ZNF90: variants seen among roughly 807,000 people sequenced by gnomAD.
ZNF90 encodes zinc finger protein HTF9.
In ZNF90, 11 loss-of-function variants were observed where a neutral mutation model predicts 12.0. The observed-to-expected ratio is 0.92, with a 90% CI of 0.58 to 1.52. ZNF90 has a LOEUF of 1.52. ZNF90 is among the 40% of genes most tolerant of loss of function. The pLI, the probability that ZNF90 is intolerant of heterozygous loss-of-function variation, is 0.00. For missense variants in ZNF90, 765 were observed against 711.5 expected, an observed-to-expected ratio of 1.08 and a Z score of -0.86; for synonymous variants, 232 against 240.1, an observed-to-expected ratio of 0.97 and a Z score of 0.31.
chr19:20,087,466 T>C (rs1258990085), intron 1 of ZNF90: 1 of 152,178 alleles, frequency 6.6e-6, no homozygotes, highest in Non-Finnish European at 1.5e-5. Context: ...CTTGTCACCA[T>C]TATAAGTAGA....
intron 1 of ZNF90, among the ~76,000 whole-genome samples, 184 bp from the exon 2 acceptor site, chr19:20,104,055 C>T (rs928497844): frequency 1.3e-5 from 2 of 152,096 alleles, no homozygotes; most frequent in South Asian, 4.1e-4. Flanking sequence ...CTATTCTGCT[C>T]TTTTTTCTCA....
chr19:20,097,422 G>A (rs1418336194), intron 1 of ZNF90, among the ~76,000 whole-genome samples: 1 of 152,174 alleles, frequency 6.6e-6, no homozygotes, highest in Non-Finnish European at 1.5e-5. Flanking sequence ...GTCATCTACA[G>A]TCACTTCTAG....
In ZNF90 at chr19:20,119,609, C is replaced by A; in HGVS notation, c.*249C>A. On this transcript the variant is annotated 3_prime_UTR_variant, in exon 4 of 4. Transcript: ENST00000418063. ...GTGAAAAATGCAGCAAAGCCTATAA[C>A]AAGTTCTCAATTCTTTTTTTTTTTT... 8.0e-6 allele frequency: 3 copies of A among 373,284 alleles called. No homozygotes were observed. Among genetic ancestry groups the A allele is most frequent in the Non-Finnish European group, 9.5e-6 (2 of 210,654 alleles). 23.1% of individuals were successfully genotyped at this position (373,284 alleles called of 1,614,324 possible). A position where few individuals can be genotyped will look rare whatever the true frequency, so the allele number is the denominator to read the frequency against.
intron 1 of ZNF90, among the ~76,000 whole-genome samples, chr19:20,091,217 G>A (rs547343296): frequency 6.6e-6 from 1 of 152,112 alleles, no homozygotes; most frequent in Admixed American, 6.5e-5. Context: ...CTGGGCAGGG[G>A]CAAATCCCCG....
chr19:20,084,651 T>G (rs2088845234), intron 1 of ZNF90, among the ~76,000 whole-genome samples: 1 of 152,216 alleles, frequency 6.6e-6, no homozygotes, highest in South Asian at 2.1e-4. Context: ...TGCCAGCATC[T>G]GTTATTTTTT....
At chr19:20,093,560 GA>G (rs1555702959) in intron 1 of ZNF90, among the ~76,000 whole-genome samples, 1 of 152,134 alleles carries the variant, frequency 6.6e-6, no homozygotes, top group African/African-American at 2.4e-5. Context: ...AACAGTCAGG[GA>G]AGCAGATAAT....
In ZNF90 at chr19:20,120,549, C is replaced by G. The variant is rs2089186468; in HGVS notation, c.*1189C>G. 6.6e-6 allele frequency among the ~76,000 whole-genome samples: 1 copy of G among 151,768 alleles called. No homozygotes were observed. Among genetic ancestry groups the G allele is most frequent in the South Asian group, 2.1e-4 (1 of 4,792 alleles). On this transcript the variant is annotated 3_prime_UTR_variant, in exon 4 of 4. Transcript: ENST00000418063. The stretch of plus-strand genomic sequence containing the variant: ...TTCAAAAACTACAGCTTAGAAAACA[C>G]CAGAGAGTTGATACTAAAATATATG...
Position 20,080,218 on chromosome 19 carries a change from G to T in ZNF90, c.3+2083G>T, listed in dbSNP as rs1049765491. 40 of 575,704 alleles carry T rather than the reference G, an allele frequency of 6.9e-5. 2 individuals are homozygous for T. In the Admixed American group the frequency reaches 7.3e-4, roughly 11 times the overall value. 35.7% of individuals were successfully genotyped at this position (575,704 alleles called of 1,614,324 possible). A position where few individuals can be genotyped will look rare whatever the true frequency, so the allele number is the denominator to read the frequency against. On this transcript the variant is annotated intron_variant, in intron 1 of 3. Transcript: ENST00000418063. The stretch of plus-strand genomic sequence containing the variant: ...ATGGGACTAGTACCACCGTCCTGAC[G>T]GTGTGCTGTTGATGAGCACGATGCA...
chr19:20,101,402 C>T lies in ZNF90; in HGVS notation c.4-2837C>T, dbSNP rs118011701. ...GGGCTTGCAGCCATTTTGTGAGCAG[C>T]TGCCACCATCTTGGGAGTGGCCTGC... On this transcript the variant is annotated intron_variant, in intron 1 of 3. Coordinates refer to ENST00000418063, the MANE Select transcript of ZNF90 (RefSeq NM_007138.2). 2.6e-4 allele frequency among the ~76,000 whole-genome samples: 39 copies of T among 152,348 alleles called. 1 individual carries two copies. The East Asian group carries it at 7.5e-3, about 29-fold the overall frequency.
intron 1 of ZNF90, among the ~76,000 whole-genome samples, chr19:20,083,582 CTCCCAAAGTGCTGG>C (rs1234374648): frequency 2.0e-5 from 3 of 152,146 alleles, no homozygotes; most frequent in African/African-American, 7.2e-5. Flanking sequence ...CCACTTCAGC[CTCCCAAAGTGCTGG>C]GATTACAGGC....
intron 1 of ZNF90, among the ~76,000 whole-genome samples, chr19:20,103,248 G>A (rs2089004526): frequency 1.3e-5 from 2 of 152,226 alleles, no homozygotes; most frequent in African/African-American, 4.8e-5. Flanking sequence ...ATGATCTACA[G>A]CTGTGAAGGT....
intron 1 of ZNF90, among the ~76,000 whole-genome samples, chr19:20,098,907 G>A (rs1200352759): frequency 3.3e-5 from 5 of 152,096 alleles, no homozygotes; most frequent in Admixed American, 2.6e-4. Context: ...TGATAAACAC[G>A]GAGATCTGGA....
chr19:20,100,748 C>A (rs7249909), intron 1 of ZNF90, among the ~76,000 whole-genome samples: 1 of 152,192 alleles, frequency 6.6e-6, no homozygotes, highest in Admixed American at 6.5e-5. Flanking sequence ...ATTCCTAAGC[C>A]TAGCTGGGGA....
intron 1 of ZNF90, among the ~76,000 whole-genome samples, chr19:20,098,448 A>G (rs928385195): frequency 6.6e-6 from 1 of 152,226 alleles, no homozygotes; most frequent in African/African-American, 2.4e-5. Context: ...GAATCTGTAA[A>G]TGTAAATAAG....
intron 1 of ZNF90, among the ~76,000 whole-genome samples, chr19:20,096,874 A>G (rs2088951593): frequency 6.6e-6 from 1 of 152,196 alleles, no homozygotes; most frequent in South Asian, 2.1e-4. Context: ...ATAGAACCCT[A>G]TTTAACCTTT....
At chr19:20,106,250 C>A (rs1219120671) in intron 3 of ZNF90, among the ~76,000 whole-genome samples, 1 of 151,672 alleles carries the variant, frequency 6.6e-6, no homozygotes, top group Non-Finnish European at 1.5e-5. Flanking sequence ...ACAGTTTTTA[C>A]TCTGTTTATG....
intron 1 of ZNF90, among the ~76,000 whole-genome samples, chr19:20,078,743 T>A (rs1416325029): frequency 6.6e-6 from 1 of 152,012 alleles, no homozygotes; most frequent in Non-Finnish European, 1.5e-5. Context: ...AAAGCTTGAG[T>A]GTAAGCCAAC....
chr19:20,115,833 C>T (rs782423675), intron 3 of ZNF90, among the ~76,000 whole-genome samples: 34 of 151,924 alleles, frequency 2.2e-4, no homozygotes, highest in Non-Finnish European at 4.3e-4. Flanking sequence ...CAGTAGTTGT[C>T]TGTGTTTCCA....
intron 3 of ZNF90, among the ~76,000 whole-genome samples, chr19:20,113,804 A>G (rs763997241): frequency 2.7e-4 from 41 of 152,080 alleles, no homozygotes; most frequent in Admixed American, 5.9e-4. Flanking sequence ...CTCCAGCCTG[A>G]GGGACAGAGT....
Sources: gnomAD v4.1 joint callset for allele counts (sites outside exome capture counted in the v4.1 genomes callset) on GRCh38, gnomAD v4.1.1 for gene constraint, MANE v1.5 for transcripts, NCBI Gene and HGNC (gene_info 2026-07-23, HGNC 2026-07-21) for gene names.